Variants in UTP15 observed in about 807,000 individuals in gnomAD.
UTP15 encodes the protein UTP15 small subunit processome component.
In UTP15, 5 loss-of-function variants were observed where a neutral mutation model predicts 59.1. The ratio of observed to expected loss-of-function variants is 0.08; its 90% CI spans 0.04 to 0.18. The LOEUF (loss-of-function observed/expected upper bound fraction) is 0.18. Ranked by LOEUF, UTP15 falls within the 10% of genes least tolerant of loss-of-function variation. The probability of loss-of-function intolerance (pLI) is 1.00; values close to 1 mark genes in which losing one functional copy is unlikely to be tolerated. For missense variants in UTP15, 494 were observed against 616.7 expected (o/e 0.80, Z 2.11); for synonymous variants, 211 against 212.2 (o/e 0.99, Z 0.05).
At position 73,581,771 on chromosome 5, in the gene UTP15, ACTTAATATATTC is replaced by A. The variant is rs1748323153; in HGVS notation, c.*1678_*1689del. On this transcript the variant is annotated 3_prime_UTR_variant, in exon 13 of 13. Transcript: ENST00000296792. ...TTAAATTAATATGTTAAGTGAATATACTTAATATATTCTAGTACAGGTATGCTTGGAAATAGG... is the reference window on the plus strand; with the variant it reads ...TTAAATTAATATGTTAAGTGAATATATAGTACAGGTATGCTTGGAAATAGG... 6.6e-6 allele frequency: 1 copy of A among 152,134 alleles called. No homozygotes were observed. The highest frequency in any genetic ancestry group is 1.5e-5 in the Non-Finnish European group (1 of 68,016). 9.4% of individuals were successfully genotyped at this position (152,134 alleles called of 1,614,324 possible). A position where few individuals can be genotyped will look rare whatever the true frequency, so the allele number is the denominator to read the frequency against.
intron 5 of UTP15, among the ~76,000 whole-genome samples, chr5:73,570,241 T>C (rs1747893345): frequency 6.6e-6 from 1 of 152,218 alleles, no homozygotes; most frequent in Non-Finnish European, 1.5e-5. Flanking sequence ...CTCTCAGAAC[T>C]GTAATGTATA....
chr5:73,576,365 C>T (rs1435847765), intron 7 of UTP15, among the ~76,000 whole-genome samples: 2 of 151,568 alleles, frequency 1.3e-5, no homozygotes, highest in East Asian at 2.0e-4. Context: ...CTTGGCCTCC[C>T]GAAGTGCTGG....
chr5:73,578,947 A>G (rs919020796), intron 10 of UTP15, 70 bp from the exon 11 acceptor site: 12 of 1,601,586 alleles, frequency 7.5e-6, no homozygotes, highest in Non-Finnish European at 1.0e-5. Context: ...AAACTTGATA[A>G]TTTAGTGCAA....
At chr5:73,571,678 G>A (rs1393491977) in intron 6 of UTP15, among the ~76,000 whole-genome samples, 1 of 151,674 alleles carries the variant, frequency 6.6e-6, no homozygotes, top group African/African-American at 2.4e-5. Context: ...GCTCACGCCT[G>A]TAATCCTAGC....
chr5:73,579,233 G>A (rs1748222457), intron 11 of UTP15, 83 bp downstream of exon 11: 1 of 1,600,168 alleles, frequency 6.2e-7, no homozygotes. Flanking sequence ...TTTGATCTTT[G>A]TAGAGAACTG....
At chr5:73,566,022 A>G (rs1160119736) in intron 1 of UTP15, 110 bp downstream of exon 1, 5 of 358,184 alleles carry the variant, frequency 1.4e-5, no homozygotes, top group South Asian at 6.2e-5. Context: ...AGAGTGGCCA[A>G]ATTCTTTAAC....
rs113936966 is a variant in UTP15 at position 73,580,903 on chromosome 5, A to C, written c.*809A>C. ...AGCTAATCTTGTAGCTAAGCTACCT[A>C]ATCCTCTGAAAACTGTTTTCTCTGA... On this transcript the variant is annotated 3_prime_UTR_variant, in exon 13 of 13. Transcript: ENST00000296792. 117 of 152,230 alleles carry C rather than the reference A, an allele frequency of 7.7e-4. 2 individuals are homozygous for C. The highest frequency in any genetic ancestry group is 2.8e-3 in the African/African-American group (115 of 41,520). The allele number at this position is 152,230 out of a possible 1,614,324, so 9.4% of individuals were successfully genotyped here.
chr5:73,580,016 C>T lies in UTP15; in HGVS notation c.1479C>T (p.Thr493=), dbSNP rs758089173. The T allele has an allele frequency of 6.2e-7, 1 of 1,613,758 alleles. No homozygotes were observed. Among genetic ancestry groups the T allele is most frequent in the South Asian group, 1.1e-5 (1 of 91,062 alleles). The change falls in exon 13 of 13, where the codon ACC becomes ACT. Residue 493 remains threonine, a synonymous_variant. Coordinates refer to ENST00000296792, the MANE Select transcript of UTP15 (RefSeq NM_032175.4). ...TLGMMDMLFA[T]MRRKEGTSVL... is the part of the protein sequence containing the mutation. ...GGATGATGGATATGCTTTTTGCCAC[C>T]ATGAGAAGGAAGGAAGGCACTTCTG...
intron 6 of UTP15, among the ~76,000 whole-genome samples, chr5:73,571,166 C>G (rs768831599): frequency 2.4e-4 from 36 of 151,232 alleles, no homozygotes; most frequent in Non-Finnish European, 1.0e-4. Context: ...TGTATTTAGC[C>G]CTGTGCCATC....
chr5:73,567,703 C>G, intron 2 of UTP15: 1 of 255,410 alleles, frequency 3.9e-6, no homozygotes, highest in East Asian at 7.8e-5. Context: ...ATTTGAATCT[C>G]ATATGTGTAA....
intron 9 of UTP15, chr5:73,578,430 C>T: frequency 3.4e-6 from 1 of 293,042 alleles, no homozygotes; most frequent in Non-Finnish European, 6.4e-6. Context: ...TTTGATTTCT[C>T]TTTCTACTGT....
chr5:73,583,282 TA>T lies in UTP15; in HGVS notation c.*3189del, dbSNP rs1310752893. The stretch of plus-strand genomic sequence containing the variant: ...AATGGGAGGCTGGGAATGCTATGTC[TA>T]GGTCATCAGCGGAGAAAGTTGGTTT... On this transcript the variant is annotated 3_prime_UTR_variant, in exon 13 of 13. Transcript: ENST00000296792. The T allele has an allele frequency of 1.3e-5, 2 of 152,232 alleles. No individual in the cohort carries two copies. The highest frequency in any genetic ancestry group is 4.8e-5 in the African/African-American group (2 of 41,462). The allele number at this position is 152,232 out of a possible 1,614,324, so 9.4% of individuals were successfully genotyped here. A position where few individuals can be genotyped will look rare whatever the true frequency, so the allele number is the denominator to read the frequency against.
chr5:73,565,923 G>A lies in UTP15; in HGVS notation c.-84+11G>A, dbSNP rs1370518279. On this transcript the variant is annotated intron_variant, in intron 1 of 12. Coordinates refer to ENST00000296792, the MANE Select transcript of UTP15 (RefSeq NM_032175.4). ...TGGGGCTCAGTGGAGGTAGGTGAAG[G>A]CGGCTCCCATTGAGGGAAGCCCACA... 1 of 455,816 alleles carries A rather than the reference G, an allele frequency of 2.2e-6. No individual in the cohort carries two copies. Among genetic ancestry groups the A allele is most frequent in the Non-Finnish European group, 4.4e-6 (1 of 226,836 alleles). 28.2% of individuals were successfully genotyped at this position (455,816 alleles called of 1,614,324 possible). A position where few individuals can be genotyped will look rare whatever the true frequency, so the allele number is the denominator to read the frequency against.
intron 9 of UTP15, 116 bp downstream of exon 9, chr5:73,578,121 T>A: frequency 9.4e-7 from 1 of 1,063,320 alleles, no homozygotes; most frequent in Non-Finnish European, 1.4e-6. Context: ...TGCTTTTCTC[T>A]ACATCAGAAT....
Position 73,570,634 on chromosome 5 carries a change from G to A in UTP15, c.596G>A (p.Ser199Asn), listed in dbSNP as rs1214122574. Reference protein sequence around the residue: ...VKMFDARTSESVLSVEHGQPV... With the variant: ...VKMFDARTSENVLSVEHGQPV... ...ATGTTTGATGCACGAACGAGTGAGA[G>A]TGTTCTCTCCGTTGAGCATGGGCAG... The change falls in exon 6 of 13, where the codon AGT becomes AAT. Residue 199 changes from serine to asparagine, a missense_variant. Coordinates refer to ENST00000296792, the MANE Select transcript of UTP15 (RefSeq NM_032175.4). The A allele has an allele frequency of 3.1e-6, 5 of 1,614,072 alleles. No homozygotes were observed. Among genetic ancestry groups the A allele is most frequent in the Non-Finnish European group, 3.4e-6 (4 of 1,180,020 alleles).
At chr5:73,577,417 T>G (rs1188815273) in intron 8 of UTP15, among the ~76,000 whole-genome samples, 2 of 152,216 alleles carry the variant, frequency 1.3e-5, no homozygotes, top group African/African-American at 4.8e-5. Context: ...AAATATCTCC[T>G]TTTCTTTGTT....
chr5:73,568,687 G>C, intron 4 of UTP15, 83 bp downstream of exon 4: 1 of 1,343,570 alleles, frequency 7.4e-7, no homozygotes, highest in Non-Finnish European at 1.0e-6. Context: ...TAAAAAGATA[G>C]AGATCAGTTT....
At chr5:73,573,982 G>T (rs1748016271) in intron 7 of UTP15, among the ~76,000 whole-genome samples, 1 of 151,848 alleles carries the variant, frequency 6.6e-6, no homozygotes, top group African/African-American at 2.4e-5. Context: ...AAATTATTAA[G>T]ATACTAGAAA....
At chr5:73,573,778 T>C (rs1748010889) in intron 7 of UTP15, among the ~76,000 whole-genome samples, 1 of 151,558 alleles carries the variant, frequency 6.6e-6, no homozygotes, top group African/African-American at 2.4e-5. Flanking sequence ...TTCGCCGTGA[T>C]GGCCAGGCTG....
Sources: allele counts gnomAD v4.1 joint callset (sites outside exome capture counted in the v4.1 genomes callset), GRCh38; gene constraint gnomAD v4.1.1; transcripts MANE v1.5; gene names NCBI Gene and HGNC (gene_info 2026-07-23, HGNC 2026-07-21).